The following DROSHA variants were observed in gnomAD, a reference collection of about 807,000 sequenced individuals.
DROSHA encodes the protein ribonuclease 3.
In DROSHA, 56 loss-of-function variants were observed where a neutral mutation model predicts 181.9. The observed-to-expected ratio is 0.31, with a 90% CI of 0.25 to 0.38. The LOEUF (loss-of-function observed/expected upper bound fraction) is 0.38, where lower values mean the gene tolerates loss of function less well. DROSHA is among the 10% of genes least tolerant of loss of function. The pLI, the probability that DROSHA is intolerant of heterozygous loss-of-function variation, is 1.00. For synonymous variants in DROSHA, 524 were observed against 591.2 expected (o/e 0.89, Z 1.65); for missense variants, 1,218 against 1,743.5 (o/e 0.70, Z 5.37).
chr5:31,420,637 C>A, intron 30 of DROSHA, among the ~76,000 whole-genome samples: 1 of 152,142 alleles, frequency 6.6e-6, no homozygotes, highest in East Asian at 1.9e-4. Context: ...TTTTTTTATG[C>A]CATGCCTTTT....
intron 10 of DROSHA, among the ~76,000 whole-genome samples, chr5:31,506,044 G>A (rs1236612031): frequency 6.6e-6 from 1 of 152,156 alleles, no homozygotes; most frequent in African/African-American, 2.4e-5. Context: ...TGGCAAATAA[G>A]AGACGTAACA....
intron 16 of DROSHA, among the ~76,000 whole-genome samples, chr5:31,475,031 T>C (rs1241971561): frequency 6.6e-6 from 1 of 152,172 alleles, no homozygotes; most frequent in Non-Finnish European, 1.5e-5. Flanking sequence ...TCAAAACACA[T>C]TTCCACCTGG....
intron 22 of DROSHA, 53 bp downstream of exon 22, chr5:31,449,228 A>G: frequency 1.2e-6 from 2 of 1,603,238 alleles, no homozygotes; most frequent in South Asian, 2.2e-5. Flanking sequence ...AATTTACAAC[A>G]GAAAACACAG....
In DROSHA at chr5:31,526,387, A is replaced by C; in HGVS notation, c.546T>G (p.Phe182Leu). The C allele has an allele frequency of 3.1e-6, 5 of 1,613,534 alleles. No homozygotes were observed. ...AACTAGGGTTGTTCTGGAAACTATT[A>C]AAACTGGGAGGTGGGAAGTTGTGGT... ...YSHHNFPPPSFNSFQNNPSSF... is the reference protein window; with the variant it reads ...YSHHNFPPPSLNSFQNNPSSF... Residue 182 changes from phenylalanine to leucine, a missense_variant, in exon 5 of 36, where the codon TTT becomes TTG. Around this residue, in one of 8 missense-constraint regions of DROSHA, gnomAD observed 536 missense variants for 535.4 expected, o/e 1.00. Transcript: ENST00000344624.
chr5:31,484,831 A>G (rs1219607330), intron 15 of DROSHA, 50 bp downstream of exon 15: 2 of 1,319,848 alleles, frequency 1.5e-6, no homozygotes, highest in Middle Eastern at 1.9e-4. Context: ...CACATATACC[A>G]TAATGTTCTT....
At chr5:31,530,279 C>A (rs539360554) in intron 3 of DROSHA, among the ~76,000 whole-genome samples, 1 of 152,046 alleles carries the variant, frequency 6.6e-6, no homozygotes, top group Non-Finnish European at 1.5e-5. Flanking sequence ...AGTCACTGCG[C>A]CTGACTCCTT....
At chr5:31,451,181 A>T (rs1304955178) in intron 21 of DROSHA, among the ~76,000 whole-genome samples, 1 of 152,184 alleles carries the variant, frequency 6.6e-6, no homozygotes, top group African/African-American at 2.4e-5. Flanking sequence ...CAGCCTGGGA[A>T]ACAAGAGCGA....
chr5:31,512,807 T>C (rs1037575390), intron 8 of DROSHA, among the ~76,000 whole-genome samples: 1 of 152,194 alleles, frequency 6.6e-6, no homozygotes, highest in Non-Finnish European at 1.5e-5. Context: ...GCACATGGCC[T>C]GGAGGAACCA....
chr5:31,422,964 A>G lies in DROSHA; in HGVS notation c.3262-20T>C, dbSNP rs577273045. ...TTGTAGCTACAGGAAAATAGAAATA[A>G]ATAAAAATCATTTTTTCATTTTTGG... On this transcript the variant is annotated intron_variant, in intron 28 of 35. Transcript: ENST00000344624. 6.7e-7 allele frequency: 1 copy of G among 1,499,722 alleles called. No individual in the cohort carries two copies. Among genetic ancestry groups the G allele is most frequent in the South Asian group, 1.4e-5 (1 of 73,336 alleles). The allele number at this position is 1,499,722 out of a possible 1,614,324, so 92.9% of individuals were successfully genotyped here.
intron 11 of DROSHA, among the ~76,000 whole-genome samples, chr5:31,501,094 T>C (rs907984265): frequency 2.0e-5 from 3 of 152,170 alleles, no homozygotes; most frequent in Admixed American, 2.0e-4. Context: ...AACAGCCCTG[T>C]CATTCCCCAA....
Position 31,451,630 on chromosome 5 carries a change from A to G in DROSHA, c.2585T>C (p.Met862Thr). The change falls in exon 21 of 36, where the codon ATG becomes ACG. Residue 862 changes from methionine to threonine, a missense_variant. Transcript: ENST00000344624. ...IRSDVCQHAM[M>T]LPVLTHHIRY... The stretch of plus-strand genomic sequence containing the variant: ...GATATGATGGGTCAGAACAGGTAGC[A>G]TCATTGCATGCTAGGAAAAAAAAAA... The G allele has an allele frequency of 6.2e-7, 1 of 1,610,984 alleles. No homozygotes were observed. Among genetic ancestry groups the G allele is most frequent in the South Asian group, 1.1e-5 (1 of 90,348 alleles).
chr5:31,495,223 C>T, intron 12 of DROSHA, 63 bp downstream of exon 12: 3 of 1,483,392 alleles, frequency 2.0e-6, no homozygotes, highest in Non-Finnish European at 1.9e-6. Context: ...ATAACTTTAG[C>T]CTATTCACAT....
chr5:31,459,738 T>C (rs919325999), intron 20 of DROSHA, among the ~76,000 whole-genome samples: 1 of 152,226 alleles, frequency 6.6e-6, no homozygotes, highest in South Asian at 2.1e-4. Context: ...TGATAATGCA[T>C]GGCAGCCTTC....
chr5:31,495,726 G>A (rs1220296662), intron 11 of DROSHA, among the ~76,000 whole-genome samples: 1 of 152,226 alleles, frequency 6.6e-6, no homozygotes, highest in Non-Finnish European at 1.5e-5. Flanking sequence ...CACATAGGTG[G>A]CCTTGATGAA....
chr5:31,516,188 T>TGA (rs1561284985), intron 6 of DROSHA, among the ~76,000 whole-genome samples: 1 of 152,184 alleles, frequency 6.6e-6, no homozygotes, highest in Non-Finnish European at 1.5e-5. Flanking sequence ...CCTGGAAGGC[T>TGA]GAGGCTGCAG....
intron 30 of DROSHA, among the ~76,000 whole-genome samples, chr5:31,413,789 T>C (rs913807935): frequency 6.6e-6 from 1 of 152,138 alleles, no homozygotes; most frequent in Non-Finnish European, 1.5e-5. Context: ...AGGGCTGACA[T>C]TTGAGTAAAA....
At chr5:31,446,685 A>T (rs1746342494) in intron 23 of DROSHA, among the ~76,000 whole-genome samples, 1 of 151,430 alleles carries the variant, frequency 6.6e-6, no homozygotes, top group East Asian at 1.9e-4. Context: ...TTAAAAAAAA[A>T]AAAAAAAAAG....
chr5:31,513,302 C>T (rs1815230519), intron 8 of DROSHA, among the ~76,000 whole-genome samples: 1 of 152,220 alleles, frequency 6.6e-6, no homozygotes, highest in Non-Finnish European at 1.5e-5. Flanking sequence ...GGCCTGCCAT[C>T]ACTGAGCCAC....
intron 23 of DROSHA, among the ~76,000 whole-genome samples, chr5:31,437,584 C>A (rs1303893917): frequency 6.6e-6 from 1 of 152,072 alleles, no homozygotes; most frequent in Non-Finnish European, 1.5e-5. Flanking sequence ...ATCTCACTAA[C>A]AATCGTGAGT....
Sources: allele counts gnomAD v4.1 joint callset (sites outside exome capture counted in the v4.1 genomes callset), GRCh38; gene constraint gnomAD v4.1.1; regional missense constraint gnomAD v4.1.1; transcripts MANE v1.5; gene names NCBI Gene and HGNC (gene_info 2026-07-23, HGNC 2026-07-21).